PACRG: variants seen among roughly 807,000 people sequenced by gnomAD.
PACRG encodes the protein parkin coregulated gene protein.
In PACRG, 29 loss-of-function variants were observed where a neutral mutation model predicts 29.7. That is an observed-to-expected ratio of 0.98 (90% CI 0.73 to 1.33). The LOEUF (loss-of-function observed/expected upper bound fraction) is 1.33. PACRG is among the 40% of genes most tolerant of loss of function. The pLI is 0.00. For synonymous variants in PACRG, 116 were observed against 118.7 expected, an observed-to-expected ratio of 0.98 and a Z score of 0.15; for missense variants, 279 against 316.2, an observed-to-expected ratio of 0.88 and a Z score of 0.89.
chr6:163,301,007 CCG>C (rs1562367336), intron 4 of PACRG, among the ~76,000 whole-genome samples: 1 of 130,654 alleles, frequency 7.7e-6, no homozygotes, highest in African/African-American at 2.6e-5. Flanking sequence ...CCGCTGCTTC[CCG>C]TGAGTTTAGT....
intron 2 of PACRG, among the ~76,000 whole-genome samples, chr6:162,934,426 G>A (rs1798092581): frequency 1.3e-5 from 2 of 152,244 alleles, no homozygotes; most frequent in South Asian, 4.1e-4. Context: ...GAGGTTCAGG[G>A]TGACAAATAT....
intron 1 of PACRG, among the ~76,000 whole-genome samples, chr6:162,766,107 A>T (rs1782770450): frequency 6.6e-6 from 1 of 152,178 alleles, no homozygotes; most frequent in Non-Finnish European, 1.5e-5. Flanking sequence ...GCTATTTAAA[A>T]ATATGTAATA....
At chr6:163,218,923 T>C (rs1781470123) in intron 4 of PACRG, among the ~76,000 whole-genome samples, 1 of 152,264 alleles carries the variant, frequency 6.6e-6, no homozygotes. Flanking sequence ...CATTCGTGTC[T>C]GGAAGCCTTG....
At chr6:162,727,335 G>A (rs1779296825), upstream of PACRG, 2 of 400,354 alleles carry the variant, frequency 5.0e-6, no homozygotes, top group Non-Finnish European at 4.5e-6. Flanking sequence ...CGGCGGCGGG[G>A]AGAAGGCTTC....
chr6:162,752,593 C>T (rs907060626), intron 1 of PACRG, among the ~76,000 whole-genome samples: 113 of 152,184 alleles, frequency 7.4e-4, no homozygotes, highest in Non-Finnish European at 2.6e-4. Flanking sequence ...TCCCAAAAGG[C>T]ATCAACCTGC....
chr6:162,886,315 C>T (rs1021642715), intron 2 of PACRG, among the ~76,000 whole-genome samples: 1 of 152,142 alleles, frequency 6.6e-6, no homozygotes, highest in Non-Finnish European at 1.5e-5. Context: ...ACTGGGAAAG[C>T]CAGGTCCTTC....
intron 4 of PACRG, among the ~76,000 whole-genome samples, chr6:163,235,027 G>A (rs376796421): frequency 5.3e-5 from 8 of 152,124 alleles, no homozygotes; most frequent in East Asian, 1.9e-4. Flanking sequence ...AGAAAGATAT[G>A]AGCTCCATGA....
At chr6:162,784,014 C>T (rs1318672633) in intron 1 of PACRG, among the ~76,000 whole-genome samples, 3 of 152,080 alleles carry the variant, frequency 2.0e-5, no homozygotes, top group African/African-American at 7.2e-5. Context: ...TCACATTTCT[C>T]AAATATTTTA....
chr6:162,888,243 C>T (rs760875543), intron 2 of PACRG, among the ~76,000 whole-genome samples: 4 of 151,978 alleles, frequency 2.6e-5, no homozygotes, highest in Non-Finnish European at 5.9e-5. Context: ...TGGCCATCAC[C>T]GAGTTGAGCA....
intron 2 of PACRG, among the ~76,000 whole-genome samples, chr6:163,042,084 C>G (rs1018253152): frequency 1.3e-5 from 2 of 152,148 alleles, no homozygotes; most frequent in African/African-American, 4.8e-5. Context: ...AGGCTGGTCT[C>G]AAACTCCTGA....
chr6:162,756,184 T>C (rs1318834033), intron 1 of PACRG, among the ~76,000 whole-genome samples: 2 of 152,220 alleles, frequency 1.3e-5, no homozygotes, highest in Non-Finnish European at 2.9e-5. Context: ...TTAATTCAAG[T>C]CCAATGTTTC....
intron 2 of PACRG, among the ~76,000 whole-genome samples, chr6:162,951,141 A>T (rs1300041737): frequency 6.6e-6 from 1 of 152,220 alleles, no homozygotes; most frequent in East Asian, 1.9e-4. Context: ...GAGGAAAGCA[A>T]CTTTGTTCCA....
At chr6:163,028,414 T>C (rs984344154) in intron 2 of PACRG, among the ~76,000 whole-genome samples, 11 of 152,082 alleles carry the variant, frequency 7.2e-5, no homozygotes, top group African/African-American at 2.4e-4. Flanking sequence ...CATGGATGGG[T>C]AGTGTCAAAT....
intron 4 of PACRG, among the ~76,000 whole-genome samples, chr6:163,306,563 T>C (rs1367962923): frequency 1.3e-5 from 2 of 152,240 alleles, no homozygotes; most frequent in Non-Finnish European, 2.9e-5. Context: ...TTTAAAAAGC[T>C]ATATAGACTT....
At chr6:163,102,555 T>C (rs750525583) in intron 4 of PACRG, among the ~76,000 whole-genome samples, 12 of 152,226 alleles carry the variant, frequency 7.9e-5, no homozygotes, top group Non-Finnish European at 1.5e-4. Context: ...CTGAAATTTC[T>C]AAGAGTATTT....
chr6:162,995,321 C>T (rs1280478372), intron 2 of PACRG, among the ~76,000 whole-genome samples: 6 of 151,068 alleles, frequency 4.0e-5, no homozygotes, highest in Admixed American at 6.6e-5. Flanking sequence ...TGGGCAATGG[C>T]GGGCGCCCCT....
intron 4 of PACRG, among the ~76,000 whole-genome samples, chr6:163,158,965 T>C (rs1778437658): frequency 6.6e-6 from 1 of 152,198 alleles, no homozygotes; most frequent in Non-Finnish European, 1.5e-5. Flanking sequence ...CCTCCCTGAA[T>C]AGACCTCTAT....
chr6:162,888,238 A>G (rs1486427392), intron 2 of PACRG, among the ~76,000 whole-genome samples: 2 of 151,986 alleles, frequency 1.3e-5, no homozygotes, highest in African/African-American at 4.8e-5. Flanking sequence ...CGTGCTGGCC[A>G]TCACCGAGTT....
At chr6:162,751,777 C>A (rs4388273) in intron 1 of PACRG, among the ~76,000 whole-genome samples, 1 of 152,074 alleles carries the variant, frequency 6.6e-6, no homozygotes, top group African/African-American at 2.4e-5. Context: ...GGTAGAAGAA[C>A]TGCTGTTATT....
Sources: allele counts gnomAD v4.1 joint callset (sites outside exome capture counted in the v4.1 genomes callset), GRCh38; gene constraint gnomAD v4.1.1; transcripts MANE v1.5; gene names NCBI Gene and HGNC (gene_info 2026-07-23, HGNC 2026-07-21).